B4GALT6: variants seen among roughly 807,000 people sequenced by gnomAD.
The protein encoded by B4GALT6 is beta-1,4-galactosyltransferase 6.
B4GALT6 carries 14 observed loss-of-function variants against 46.3 expected under a neutral mutation model. That is an observed-to-expected ratio of 0.30 (90% CI 0.20 to 0.47). The LOEUF is 0.47. B4GALT6 is among the 20% of genes least tolerant of loss of function. B4GALT6 has a pLI of 0.99. For synonymous variants in B4GALT6, 168 were observed against 162.0 expected (o/e 1.04, Z -0.28); for missense variants, 386 against 480.1 (o/e 0.80, Z 1.83).
the B4GALT6 span, chr18:31,724,605 C>T: frequency 4.7e-6 from 5 of 1,063,492 alleles, no homozygotes; most frequent in Non-Finnish European, 5.7e-6. Flanking sequence ...AGAGCTGCCC[C>T]GGGGCCAGAG....
At chr18:31,700,640 T>C in the B4GALT6 span, among the ~76,000 whole-genome samples, 1 of 152,024 alleles carries the variant, frequency 6.6e-6, no homozygotes, top group Non-Finnish European at 1.5e-5. Context: ...GTATTTTTAA[T>C]AGAGATGGGG....
chr18:31,724,608 G>T, the B4GALT6 span: 1 of 1,062,426 alleles, frequency 9.4e-7, no homozygotes. Flanking sequence ...GCTGCCCCGG[G>T]GCCAGAGCAG....
intron 2 of B4GALT6, among the ~76,000 whole-genome samples, chr18:31,664,272 C>G (rs2074257480): frequency 6.6e-6 from 1 of 152,176 alleles, no homozygotes; most frequent in Non-Finnish European, 1.5e-5. Flanking sequence ...CCACAGATAT[C>G]CAACTTGCAG....
At chr18:31,661,985 C>T (rs1364754889) in intron 2 of B4GALT6, among the ~76,000 whole-genome samples, 1 of 152,140 alleles carries the variant, frequency 6.6e-6, no homozygotes, top group Admixed American at 6.5e-5. Flanking sequence ...TTCTCTGAAC[C>T]CACATCCAAC....
intron 2 of B4GALT6, chr18:31,658,472 A>C (rs2074170779): frequency 6.0e-6 from 1 of 165,590 alleles, no homozygotes; most frequent in African/African-American, 2.4e-5. Context: ...GCGTGCTGCT[A>C]CTAGCATCCA....
At chr18:31,711,474 T>A in the B4GALT6 span, among the ~76,000 whole-genome samples, 2 of 152,150 alleles carry the variant, frequency 1.3e-5, no homozygotes, top group Non-Finnish European at 2.9e-5. Context: ...TGTGTTCTCA[T>A]CATTTAGCTC....
chr18:31,705,425 G>T, the B4GALT6 span, among the ~76,000 whole-genome samples: 2 of 152,068 alleles, frequency 1.3e-5, no homozygotes, highest in Non-Finnish European at 2.9e-5. Context: ...TTTCAATCTT[G>T]TCGCCCAGGC....
intron 5 of B4GALT6, among the ~76,000 whole-genome samples, chr18:31,637,459 C>T (rs1159489066): frequency 6.7e-6 from 1 of 149,204 alleles, no homozygotes; most frequent in Non-Finnish European, 1.5e-5. Flanking sequence ...AGAGCTGGGT[C>T]TATATCCTAC....
At chr18:31,703,733 T>C in the B4GALT6 span, among the ~76,000 whole-genome samples, 1 of 152,200 alleles carries the variant, frequency 6.6e-6, no homozygotes, top group East Asian at 1.9e-4. Context: ...AGCTGTGTGA[T>C]ACATAGAGAA....
chr18:31,706,128 C>T, the B4GALT6 span, among the ~76,000 whole-genome samples: 1 of 151,948 alleles, frequency 6.6e-6, no homozygotes, highest in African/African-American at 2.4e-5. Flanking sequence ...ATGCCCTAAT[C>T]CCTCCAACAT....
chr18:31,684,873 G>A (rs1255177209), upstream of B4GALT6: 16 of 733,150 alleles, frequency 2.2e-5, no homozygotes, highest in East Asian at 1.3e-4. Flanking sequence ...CGCCCGGCGG[G>A]GTCCCGCCGC....
the B4GALT6 span, among the ~76,000 whole-genome samples, chr18:31,696,349 A>G: frequency 6.6e-6 from 1 of 152,214 alleles, no homozygotes; most frequent in Non-Finnish European, 1.5e-5. Context: ...TCAAAAATAC[A>G]ATTAAACTAA....
chr18:31,634,296 A>G (rs758751701), intron 5 of B4GALT6, among the ~76,000 whole-genome samples: 2 of 152,232 alleles, frequency 1.3e-5, no homozygotes, highest in Non-Finnish European at 1.5e-5. Flanking sequence ...TCTACAAGAT[A>G]CAACAGAGTA....
chr18:31,710,848 A>ACACACACACACACACACACT, the B4GALT6 span, among the ~76,000 whole-genome samples: 2 of 151,596 alleles, frequency 1.3e-5, no homozygotes, highest in African/African-American at 4.8e-5. Context: ...ACACACACAC[A>ACACACACACACACACACACT]CTATAATCCT....
At chr18:31,631,177 G>T (rs879094712) in intron 5 of B4GALT6, 31 bp from the exon 6 acceptor site, 1 of 1,478,548 alleles carries the variant, frequency 6.8e-7, no homozygotes, top group African/African-American at 1.5e-5. Context: ...GAAAAAAATA[G>T]AAATGTACTC....
the B4GALT6 span, among the ~76,000 whole-genome samples, chr18:31,700,406 G>T: frequency 6.6e-6 from 1 of 151,342 alleles, no homozygotes; most frequent in East Asian, 2.0e-4. Context: ...TGCTTCAAGT[G>T]CTTATGGGAC....
intron 6 of B4GALT6, among the ~76,000 whole-genome samples, chr18:31,629,693 C>CA (rs920087017): frequency 6.7e-6 from 1 of 149,560 alleles, no homozygotes; most frequent in African/African-American, 2.4e-5. Flanking sequence ...ACTAAAAATA[C>CA]AAAAAAATTA....
chr18:31,699,510 G>A, the B4GALT6 span, among the ~76,000 whole-genome samples: 1 of 150,078 alleles, frequency 6.7e-6, no homozygotes, highest in African/African-American at 2.5e-5. Flanking sequence ...CTGACCTCAG[G>A]TGATCTGCCT....
intron 1 of B4GALT6, among the ~76,000 whole-genome samples, chr18:31,667,771 T>C (rs776288630): frequency 6.6e-6 from 1 of 152,210 alleles, no homozygotes; most frequent in Non-Finnish European, 1.5e-5. Flanking sequence ...TTTACTATAC[T>C]AGTTTACAAA....
Sources: gnomAD v4.1 joint callset for allele counts (sites outside exome capture counted in the v4.1 genomes callset) on GRCh38, gnomAD v4.1.1 for gene constraint, MANE v1.5 for transcripts, NCBI Gene and HGNC (gene_info 2026-07-23, HGNC 2026-07-21) for gene names.